IGFBP4: variants seen among roughly 807,000 people sequenced by gnomAD.
IGFBP4 encodes insulin like growth factor binding protein 4, also known as insulin-like growth factor-binding protein 4.
In IGFBP4, 9 loss-of-function variants were observed where a neutral mutation model predicts 25.8. That is an observed-to-expected ratio of 0.35 (90% CI 0.21 to 0.61). The LOEUF (loss-of-function observed/expected upper bound fraction) is 0.61, where lower values mean the gene tolerates loss of function less well. IGFBP4 is among the 20% of genes least tolerant of loss of function. IGFBP4 has a pLI of 0.77. For missense variants in IGFBP4, 315 were observed against 365.3 expected (o/e 0.86, Z 1.12); for synonymous variants, 153 against 153.9 (o/e 0.99, Z 0.05).
intron 1 of IGFBP4, 43 bp from the exon 2 acceptor site, chr17:40,452,942 C>T (rs765691119): frequency 7.0e-7 from 1 of 1,419,220 alleles, no homozygotes; most frequent in Non-Finnish European, 9.3e-7. Flanking sequence ...GACGCTCTGA[C>T]CTCTTCCGGT....
At chr17:40,450,517 A>G (rs568506472) in intron 1 of IGFBP4, among the ~76,000 whole-genome samples, 1 of 151,152 alleles carries the variant, frequency 6.6e-6, no homozygotes, top group African/African-American at 2.4e-5. Flanking sequence ...TTAATTCTTG[A>G]ATTTTTTTTT....
chr17:40,443,806 C>T lies in IGFBP4; in HGVS notation c.71C>T (p.Ala24Val). The change falls in exon 1 of 4, where the codon GCC becomes GTC. Residue 24 changes from alanine to valine, a missense_variant. Coordinates refer to ENST00000269593, the MANE Select transcript of IGFBP4 (RefSeq NM_001552.3). Reference sequence around the variant, plus strand: ...CCCGGGCCGAGCCTGGGCGACGAAGCCATCCACTGCCCGCCCTGCTCCGAG... The same window carrying T: ...CCCGGGCCGAGCCTGGGCGACGAAGTCATCCACTGCCCGCCCTGCTCCGAG... ...AGPGPSLGDEAIHCPPCSEEK... is the reference protein window; with the variant it reads ...AGPGPSLGDEVIHCPPCSEEK... 3 of 1,527,678 alleles carry T rather than the reference C, an allele frequency of 2.0e-6. No homozygotes were observed. Among genetic ancestry groups the T allele is most frequent in the Non-Finnish European group, 2.6e-6 (3 of 1,145,232 alleles). 94.6% of individuals were successfully genotyped at this position (1,527,678 alleles called of 1,614,324 possible). A position where few individuals can be genotyped will look rare whatever the true frequency, so the allele number is the denominator to read the frequency against.
At chr17:40,446,631 A>C (rs761717835) in intron 1 of IGFBP4, among the ~76,000 whole-genome samples, 7 of 152,108 alleles carry the variant, frequency 4.6e-5, no homozygotes, top group African/African-American at 9.7e-5. Flanking sequence ...AACAAAACAA[A>C]TAAACAAAAA....
intron 1 of IGFBP4, 109 bp from the exon 2 acceptor site, chr17:40,452,876 C>A: frequency 2.2e-6 from 2 of 913,276 alleles, no homozygotes; most frequent in Non-Finnish European, 3.1e-6. Flanking sequence ...TCTTCTCCAG[C>A]GCCAAGCCGA....
In IGFBP4 at chr17:40,456,691, G is replaced by A; in HGVS notation, c.*108G>A. 7.7e-6 allele frequency: 9 copies of A among 1,173,228 alleles called. No individual in the cohort carries two copies. Among genetic ancestry groups the A allele is most frequent in the African/African-American group, 1.5e-5 (1 of 65,054 alleles). 72.7% of individuals were successfully genotyped at this position (1,173,228 alleles called of 1,614,324 possible). A position where few individuals can be genotyped will look rare whatever the true frequency, so the allele number is the denominator to read the frequency against. On this transcript the variant is annotated 3_prime_UTR_variant, in exon 4 of 4. Transcript: ENST00000269593. ...GAGTCTGAGTCCTGTCTCTGCCTGC[G>A]GCCCAGAAGTTTCCCTCAAATGCGC...
At chr17:40,448,208 G>A (rs1246161247) in intron 1 of IGFBP4, among the ~76,000 whole-genome samples, 1 of 152,254 alleles carries the variant, frequency 6.6e-6, no homozygotes, top group Non-Finnish European at 1.5e-5. Flanking sequence ...CATAGCCTAG[G>A]TGTCTCTCGA....
At position 40,457,707 on chromosome 17, in the gene IGFBP4, C is replaced by G. The variant is rs1202711396; in HGVS notation, c.*1124C>G. The G allele has an allele frequency of 6.6e-6, 1 of 151,972 alleles. No homozygotes were observed. Among genetic ancestry groups the G allele is most frequent in the African/African-American group, 2.4e-5 (1 of 41,364 alleles). The allele number at this position is 151,972 out of a possible 1,614,324, so 9.4% of individuals were successfully genotyped here. On this transcript the variant is annotated 3_prime_UTR_variant, in exon 4 of 4. Coordinates refer to ENST00000269593, the MANE Select transcript of IGFBP4 (RefSeq NM_001552.3). Reference sequence around the variant, plus strand: ...TTTTCTTTTTTTTAACAAAACAGAACAAAACCAAAAAATGTCCAGATGATT... The same window carrying G: ...TTTTCTTTTTTTTAACAAAACAGAAGAAAACCAAAAAATGTCCAGATGATT...
chr17:40,444,158 G>A, intron 1 of IGFBP4, 74 bp downstream of exon 1: 1 of 1,111,410 alleles, frequency 9.0e-7, no homozygotes, highest in Non-Finnish European at 1.3e-6. Flanking sequence ...CATTCCAGCC[G>A]CCCTGGAAGG....
At position 40,444,884 on chromosome 17, in the gene IGFBP4, AACAC is replaced by A. The variant is rs756211064; in HGVS notation, c.349+840_349+843del. Among the ~76,000 whole-genome samples the A allele has an allele frequency of 4.1e-3, 326 of 80,310 alleles. 1 individual carries two copies. Among genetic ancestry groups the A allele is most frequent in the Middle Eastern group, 0.014 (2 of 148 alleles). The allele number at this position is 80,310 out of a possible 152,430, so 52.7% of individuals were successfully genotyped here. Reference sequence around the variant, plus strand: ...AGAGAGAGAGAGAGAGAGAGAGAGAAACACACACACACACACACACACACACACA... The same window carrying A: ...AGAGAGAGAGAGAGAGAGAGAGAGAAACACACACACACACACACACACACA... On this transcript the variant is annotated intron_variant, in intron 1 of 3. Coordinates refer to ENST00000269593, the MANE Select transcript of IGFBP4 (RefSeq NM_001552.3).
chr17:40,444,932 C>CAGAGAGAGAGAGAGAGAGAG (rs10603634), intron 1 of IGFBP4, among the ~76,000 whole-genome samples: 1 of 75,382 alleles, frequency 1.3e-5, no homozygotes, highest in African/African-American at 4.8e-5. Context: ...CACACAGAGA[C>CAGAGAGAGAGAGAGAGAGAG]AGAGAGAGAG....
rs1197893620 is a variant in IGFBP4, at chr17:40,443,669, C to T, written c.-67C>T. 1.2e-5 allele frequency: 11 copies of T among 901,124 alleles called. No individual in the cohort carries two copies. The East Asian group carries it at 5.9e-4, about 48-fold the overall frequency. The allele number at this position is 901,124 out of a possible 1,614,324, so 55.8% of individuals were successfully genotyped here. On this transcript the variant is annotated 5_prime_UTR_variant, in exon 1 of 4. Transcript: ENST00000269593. Reference sequence around the variant, plus strand: ...CTGCCGCCGTGTGCCCTCCGCCGCTCGCCCGCGCGCCCGCGCTCCCCGCCT... The same window carrying T: ...CTGCCGCCGTGTGCCCTCCGCCGCTTGCCCGCGCGCCCGCGCTCCCCGCCT...
At position 40,451,303 on chromosome 17, in the gene IGFBP4, C is replaced by T. The variant is rs79391586; in HGVS notation, c.350-1682C>T. Among the ~76,000 whole-genome samples, 52 of 152,214 alleles carry T rather than the reference C, an allele frequency of 3.4e-4. 1 individual carries two copies. The East Asian group carries it at 9.6e-3, about 28-fold the overall frequency. ...TCCCTTTTATTCCTCTTTTCTAAGC[C>T]AGCTCTCCACCGTAACAAAATCTTC... On this transcript the variant is annotated intron_variant, in intron 1 of 3. Transcript: ENST00000269593.
intron 1 of IGFBP4, among the ~76,000 whole-genome samples, chr17:40,446,921 C>A (rs1172587529): frequency 6.6e-6 from 1 of 152,222 alleles, no homozygotes; most frequent in Non-Finnish European, 1.5e-5. Context: ...TAGAGTTCTG[C>A]TGCAGCCCTG....
In IGFBP4 at chr17:40,453,540, T is replaced by G. The variant is rs2035698049; in HGVS notation, c.508-388T>G. On this transcript the variant is annotated intron_variant, in intron 2 of 3. Transcript: ENST00000269593. This position sits in a 1 kb window ranked among gnomAD's most constrained non-coding sequence, Gnocchi z 4.0. ...GTAATGCTGGCCATAGCAGGGGGCC[T>G]GGGACCCTGCTCCAGGGTCTGGCTA... is the stretch of plus-strand genomic sequence containing the variant. Among the ~76,000 whole-genome samples the G allele has an allele frequency of 6.6e-6, 1 of 152,152 alleles. No homozygotes were observed. The highest frequency in any genetic ancestry group is 2.1e-4 in the South Asian group (1 of 4,834).
At position 40,453,191 on chromosome 17, in the gene IGFBP4, C is replaced by CAG; in HGVS notation, c.507+50_507+51insGA. 4 of 1,380,690 alleles carry CAG rather than the reference C, an allele frequency of 2.9e-6. No individual in the cohort carries two copies. The highest frequency in any genetic ancestry group is 3.9e-6 in the Non-Finnish European group (4 of 1,036,822). 85.5% of individuals were successfully genotyped at this position (1,380,690 alleles called of 1,614,324 possible). ...GTGCATGTGCATAGACACACACACA[C>CAG]ACATGCCCCCTGCCCCCCACATGCA... On this transcript the variant is annotated intron_variant, in intron 2 of 3. Coordinates refer to ENST00000269593, the MANE Select transcript of IGFBP4 (RefSeq NM_001552.3). The surrounding 1 kb of genome is among the most constrained non-coding windows in gnomAD (Gnocchi z 4.0).
chr17:40,452,732 C>T (rs1172249689), intron 1 of IGFBP4, among the ~76,000 whole-genome samples: 1 of 152,120 alleles, frequency 6.6e-6, no homozygotes, highest in Non-Finnish European at 1.5e-5. Context: ...GCTGGTGACT[C>T]ATCTGAGCGC....
In IGFBP4 at chr17:40,453,607, T is replaced by G. The variant is rs1347168758; in HGVS notation, c.508-321T>G. On this transcript the variant is annotated intron_variant, in intron 2 of 3. Coordinates refer to ENST00000269593, the MANE Select transcript of IGFBP4 (RefSeq NM_001552.3). The surrounding 1 kb of genome is among the most constrained non-coding windows in gnomAD (Gnocchi z 4.0). Reference sequence around the variant, plus strand: ...TCTTACAAGTTGTCAGTTGGAAGTTTTATCTGTCCCTTCTGCATAGAAATC... The same window carrying G: ...TCTTACAAGTTGTCAGTTGGAAGTTGTATCTGTCCCTTCTGCATAGAAATC... Among the ~76,000 whole-genome samples, 1 of 152,032 alleles carries G rather than the reference T, an allele frequency of 6.6e-6. No homozygotes were observed. Among genetic ancestry groups the G allele is most frequent in the Admixed American group, 6.6e-5 (1 of 15,262 alleles).
intron 3 of IGFBP4, among the ~76,000 whole-genome samples, chr17:40,455,245 C>T (rs1022181382): frequency 2.6e-5 from 4 of 151,942 alleles, no homozygotes; most frequent in Non-Finnish European, 4.4e-5. Flanking sequence ...AATTGATGAA[C>T]GAATATTAGT....
In IGFBP4 at chr17:40,456,581, T is replaced by A; in HGVS notation, c.775T>A (p.Ter259ArgextTer28). ...CCAGCTGGCTGACAGCTTTCGAGAG[T>A]GAGGCCTGCCAGCAGGCCAGGGACT... ...CHQLADSFRE[*>R] The change falls in exon 4 of 4, where the codon TGA (stop) becomes AGA (arginine). Residue 259 changes from the stop codon to arginine, a stop_lost. Coordinates refer to ENST00000269593, the MANE Select transcript of IGFBP4 (RefSeq NM_001552.3). 6.2e-7 allele frequency: 1 copy of A among 1,611,836 alleles called. No individual in the cohort carries two copies. The highest frequency in any genetic ancestry group is 2.2e-5 in the East Asian group (1 of 44,822).
Sources: gnomAD v4.1 joint callset for allele counts (sites outside exome capture counted in the v4.1 genomes callset) on GRCh38, gnomAD v4.1.1 for gene constraint, Gnocchi (gnomAD v3.1) non-coding constraint, MANE v1.5 for transcripts, NCBI Gene and HGNC (gene_info 2026-07-23, HGNC 2026-07-21) for gene names.